Variants in ARMH3 observed in about 807,000 individuals in gnomAD.
The protein encoded by ARMH3 is armadillo-like helical domain-containing protein 3.
Under a neutral mutation model 99.1 loss-of-function variants are expected in ARMH3, and 60 were observed. That is an observed-to-expected ratio of 0.61 (90% CI 0.49 to 0.75). The LOEUF is 0.75. ARMH3 is among the 30% of genes least tolerant of loss of function. The pLI, the probability that ARMH3 is intolerant of heterozygous loss-of-function variation, is 0.00. For synonymous variants in ARMH3, 285 were observed against 292.8 expected (o/e 0.97, Z 0.27); for missense variants, 679 against 843.1 (o/e 0.81, Z 2.41).
intron 23 of ARMH3, among the ~76,000 whole-genome samples, chr10:101,923,960 C>T (rs1843402703): frequency 6.6e-6 from 1 of 152,244 alleles, no homozygotes; most frequent in African/African-American, 2.4e-5. Context: ...GTCTTCAAGG[C>T]CATTTCATAT....
chr10:102,009,270 G>A, intron 13 of ARMH3, 104 bp downstream of exon 13: 1 of 1,048,232 alleles, frequency 9.5e-7, no homozygotes, highest in East Asian at 2.4e-5. Context: ...ACTTACCAAT[G>A]CAAAGCAGGG....
At chr10:101,850,591 A>C (rs1015760179) in intron 24 of ARMH3, among the ~76,000 whole-genome samples, 5 of 149,896 alleles carry the variant, frequency 3.3e-5, no homozygotes, top group African/African-American at 1.2e-4. Context: ...TGCCCGGCTA[A>C]TTTTTGTATT....
chr10:101,910,418 C>A (rs910883570), intron 23 of ARMH3, among the ~76,000 whole-genome samples: 1 of 152,098 alleles, frequency 6.6e-6, no homozygotes, highest in Non-Finnish European at 1.5e-5. Context: ...ACTCTGAATT[C>A]TTGAAAAAAG....
At chr10:102,012,449 A>G (rs563141404) in intron 10 of ARMH3, among the ~76,000 whole-genome samples, 2 of 152,344 alleles carry the variant, frequency 1.3e-5, no homozygotes, top group African/African-American at 4.8e-5. Context: ...CTCCTTTTAT[A>G]TATTTTTTAA....
chr10:102,006,494 T>C, intron 14 of ARMH3, 46 bp downstream of exon 14: 2 of 1,565,804 alleles, frequency 1.3e-6, no homozygotes, highest in African/African-American at 1.4e-5. Flanking sequence ...CTCTGAGAGA[T>C]CTAAGATCAT....
chr10:101,874,060 A>G (rs1261251847), intron 24 of ARMH3, among the ~76,000 whole-genome samples: 1 of 152,184 alleles, frequency 6.6e-6, no homozygotes, highest in Non-Finnish European at 1.5e-5. Context: ...TACATATTGC[A>G]TTAGTTTATT....
At chr10:101,856,290 A>G (rs2135288161) in intron 24 of ARMH3, among the ~76,000 whole-genome samples, 1 of 152,362 alleles carries the variant, frequency 6.6e-6, no homozygotes, top group Middle Eastern at 3.4e-3. Context: ...ACTCATTGTC[A>G]GCAATATCTG....
At chr10:101,883,314 G>A (rs1022499892) in intron 24 of ARMH3, among the ~76,000 whole-genome samples, 3 of 152,028 alleles carry the variant, frequency 2.0e-5, no homozygotes, top group African/African-American at 4.8e-5. Flanking sequence ...CTACTCAGGA[G>A]GCCAAGGCAG....
At chr10:102,014,840 C>T (rs1022936767) in intron 8 of ARMH3, among the ~76,000 whole-genome samples, 1 of 152,176 alleles carries the variant, frequency 6.6e-6, no homozygotes, top group African/African-American at 2.4e-5. Context: ...CCTCTCCTTA[C>T]ACCTATGGGA....
chr10:101,864,070 A>ACACACAC (rs1375537907), intron 24 of ARMH3, among the ~76,000 whole-genome samples: 3 of 132,892 alleles, frequency 2.3e-5, no homozygotes, highest in Non-Finnish European at 5.1e-5. Context: ...CAAAAAAAAA[A>ACACACAC]AAAAAAAAAC....
At chr10:101,931,605 T>C (rs1423498987) in intron 23 of ARMH3, among the ~76,000 whole-genome samples, 1 of 151,708 alleles carries the variant, frequency 6.6e-6, no homozygotes, top group Admixed American at 6.6e-5. Context: ...TTATATCATA[T>C]ATAAAAATTC....
In ARMH3 at chr10:101,847,625, G is replaced by C; in HGVS notation, c.1978-5C>G. On this transcript the variant is annotated splice_polypyrimidine_tract_variant and splice_region_variant and intron_variant, in intron 25 of 25. Transcript: ENST00000370033. ...GTTGGTGCTAATGGATCGAACCTGG[G>C]AAAGGGTAGTTGGGGAAGGTGGGAG... 2 of 1,614,058 alleles carry C rather than the reference G, an allele frequency of 1.2e-6. No individual in the cohort carries two copies. The highest frequency in any genetic ancestry group is 1.7e-6 in the Non-Finnish European group (2 of 1,179,898).
intron 1 of ARMH3, among the ~76,000 whole-genome samples, chr10:102,051,505 G>A (rs1294587086): frequency 6.0e-5 from 9 of 151,208 alleles, no homozygotes; most frequent in Admixed American, 2.0e-4. Context: ...GAAAAAGAAA[G>A]AAGTCAGTCA....
Position 101,862,048 on chromosome 10 carries a change from CAAAAAAAAAA to C in ARMH3, c.1861-12166_1861-12157del, listed in dbSNP as rs34359012. Among the ~76,000 whole-genome samples, 21 of 36,358 alleles carry C rather than the reference CAAAAAAAAAA, an allele frequency of 5.8e-4. No homozygotes were observed. The South Asian group carries it at 0.011, about 20-fold the overall frequency. 23.9% of individuals were successfully genotyped at this position (36,358 alleles called of 152,430 possible). On this transcript the variant is annotated intron_variant, in intron 24 of 25. Coordinates refer to ENST00000370033, the MANE Select transcript of ARMH3 (RefSeq NM_024541.3). Reference sequence around the variant, plus strand: ...TGGGCGACAGAGCGAGATTCCCTCTCAAAAAAAAAAAAAAAAAAAAAAAAAGATGTTCTTT... The same window carrying C: ...TGGGCGACAGAGCGAGATTCCCTCTCAAAAAAAAAAAAAAAGATGTTCTTT...
intron 8 of ARMH3, among the ~76,000 whole-genome samples, chr10:102,015,408 G>GA (rs2066725824): frequency 9.9e-6 from 1 of 101,094 alleles, no homozygotes; most frequent in Non-Finnish European, 2.0e-5. Flanking sequence ...TTTTTTTTTT[G>GA]AGACGGAATT....
chr10:102,015,870 A>G (rs575495420), intron 8 of ARMH3, among the ~76,000 whole-genome samples: 1 of 152,380 alleles, frequency 6.6e-6, no homozygotes, highest in South Asian at 2.1e-4. Flanking sequence ...ACGGTGGCTC[A>G]TGCCTGTAAT....
intron 19 of ARMH3, 48 bp downstream of exon 19, chr10:101,990,503 C>A: frequency 1.4e-6 from 2 of 1,420,940 alleles, no homozygotes; most frequent in South Asian, 1.2e-5. Flanking sequence ...ACATTCAGTT[C>A]TTTAAAATAG....
chr10:102,005,380 CAA>C (rs11344018), intron 14 of ARMH3, among the ~76,000 whole-genome samples: 93 of 64,890 alleles, frequency 1.4e-3, no homozygotes, highest in South Asian at 8.3e-3. Flanking sequence ...GACTCTGTCT[CAA>C]AAAAAAAAAA....
chr10:101,850,014 A>T, intron 24 of ARMH3, 122 bp from the exon 25 acceptor site: 6 of 713,670 alleles, frequency 8.4e-6, no homozygotes, highest in South Asian at 8.0e-5. Context: ...AACCTTGCTT[A>T]TTACTTATCT....
Sources: gnomAD v4.1 joint callset for allele counts (sites outside exome capture counted in the v4.1 genomes callset) on GRCh38, gnomAD v4.1.1 for gene constraint, MANE v1.5 for transcripts, NCBI Gene and HGNC (gene_info 2026-07-23, HGNC 2026-07-21) for gene names.